The following TJP2 variants were observed in gnomAD, a reference collection of about 807,000 sequenced individuals.
TJP2 encodes Friedreich ataxia region gene X104 (tight junction protein ZO-2).
Under a neutral mutation model 133.1 loss-of-function variants are expected in TJP2, and 91 were observed. That is an observed-to-expected ratio of 0.68 (90% CI 0.58 to 0.81). TJP2 has a LOEUF of 0.81. TJP2 is among the 40% of genes least tolerant of loss of function. The pLI, the probability that TJP2 is intolerant of heterozygous loss-of-function variation, is 0.00. For missense variants in TJP2, 1,541 were observed against 1,565.6 expected (o/e 0.98, Z 0.26); for synonymous variants, 592 against 583.4 (o/e 1.01, Z -0.21).
chr9:69,236,971 C>T lies in TJP2; in HGVS notation c.2014C>T (p.Gln672Ter). The T allele has an allele frequency of 6.2e-7, 1 of 1,614,198 alleles. No homozygotes were observed. The highest frequency in any genetic ancestry group is 8.5e-7 in the Non-Finnish European group (1 of 1,180,040). Residue 672 changes from glutamine (Q) to a stop codon, truncating the protein, a stop_gained, in exon 14 of 23, where the codon CAA becomes TAA. Coordinates refer to ENST00000377245, the MANE Select transcript of TJP2 (RefSeq NM_004817.4). LOFTEE classifies it high-confidence loss of function. Reference sequence around the variant, plus strand: ...CAGAGCTGAACAAATGGCCAGTGTTCAAAATGCCCAGAGAGACAACGCTGG... The same window carrying T: ...CAGAGCTGAACAAATGGCCAGTGTTTAAAATGCCCAGAGAGACAACGCTGG... Reference protein sequence around the residue: ...KSRAEQMASVQNAQRDNAGDR... With the variant: ...KSRAEQMASV
intron 1 of TJP2, among the ~76,000 whole-genome samples, chr9:69,205,542 G>A (rs1827333023): frequency 6.6e-6 from 1 of 152,212 alleles, no homozygotes; most frequent in African/African-American, 2.4e-5. Flanking sequence ...TTAACATACT[G>A]GCTTTTGTGT....
chr9:69,121,772 C>T (rs11145351), intron 1 of TJP2: 1 of 152,254 alleles, frequency 6.6e-6, no homozygotes, highest in South Asian at 2.1e-4. Flanking sequence ...TGCTGCCTGC[C>T]GCACGCCCCG....
At chr9:69,122,484 A>C (rs1038673582) in intron 1 of TJP2, among the ~76,000 whole-genome samples, 2 of 152,180 alleles carry the variant, frequency 1.3e-5, no homozygotes, top group Non-Finnish European at 2.9e-5. Flanking sequence ...AACAACAAAA[A>C]AATTTTCACT....
rs775415693 is a variant in TJP2, at chr9:69,254,449, GTTC to G, written c.*80_*82del. ...CCACTCCTGCCAGGCCGCCGGGATG[GTTC>G]TTCTCCAGTTAGAATGCACCATGGA... On this transcript the variant is annotated 3_prime_UTR_variant, in exon 23 of 23. Transcript: ENST00000377245. 102 of 1,591,198 alleles carry G rather than the reference GTTC, an allele frequency of 6.4e-5. 1 individual carries two copies. The African/African-American group carries it at 1.2e-3, about 19-fold the overall frequency.
intron 1 of TJP2, among the ~76,000 whole-genome samples, chr9:69,150,638 T>G (rs1046906223): frequency 5.9e-5 from 9 of 152,312 alleles, no homozygotes; most frequent in Middle Eastern, 3.4e-3. Flanking sequence ...CCGCTGATAT[T>G]TGTTTAACCT....
chr9:69,174,041 C>G (rs537500289), upstream of TJP2: 38 of 1,054,988 alleles, frequency 3.6e-5, no homozygotes, highest in South Asian at 1.3e-3. Context: ...CGCCCCCGGC[C>G]AGGAGTCGCG....
chr9:69,208,388 GGTGGTGGTA>G (rs1827599429), intron 1 of TJP2, among the ~76,000 whole-genome samples: 1 of 152,174 alleles, frequency 6.6e-6, no homozygotes, highest in Non-Finnish European at 1.5e-5. Context: ...AGGTCTGATT[GGTGGTGGTA>G]GTGGTAGGAG....
intron 11 of TJP2, among the ~76,000 whole-genome samples, chr9:69,232,832 A>G (rs1456294625): frequency 6.6e-6 from 1 of 152,200 alleles, no homozygotes; most frequent in African/African-American, 2.4e-5. Flanking sequence ...GTAGATTTTT[A>G]AAATATAACT....
intron 1 of TJP2, among the ~76,000 whole-genome samples, chr9:69,187,801 G>C (rs1825955169): frequency 6.6e-6 from 1 of 152,202 alleles, no homozygotes; most frequent in South Asian, 2.1e-4. Flanking sequence ...ATGTAGAGTA[G>C]TTGCTCAGTA....
At chr9:69,211,388 T>TC (rs942573764) in intron 1 of TJP2, among the ~76,000 whole-genome samples, 2 of 152,216 alleles carry the variant, frequency 1.3e-5, no homozygotes. Context: ...TTATAGATAC[T>TC]CCATTTTTGT....
At chr9:69,179,451 T>C (rs1055331064) in intron 1 of TJP2, among the ~76,000 whole-genome samples, 7 of 152,216 alleles carry the variant, frequency 4.6e-5, no homozygotes, top group Non-Finnish European at 1.0e-4. Flanking sequence ...CTACAGTTAC[T>C]GTATGGGGGT....
chr9:69,190,684 C>T (rs906517481), intron 1 of TJP2, among the ~76,000 whole-genome samples: 1 of 152,116 alleles, frequency 6.6e-6, no homozygotes, highest in African/African-American at 2.4e-5. Flanking sequence ...GTGCCTGTAC[C>T]AGCACCCGTG....
At chr9:69,197,313 C>T (rs1826656099) in intron 1 of TJP2, among the ~76,000 whole-genome samples, 1 of 151,410 alleles carries the variant, frequency 6.6e-6, no homozygotes, top group East Asian at 2.0e-4. Flanking sequence ...ATACTTTGGT[C>T]CACCTTATTG....
intron 1 of TJP2, among the ~76,000 whole-genome samples, chr9:69,178,627 G>C (rs562971324): frequency 6.6e-6 from 1 of 152,194 alleles, no homozygotes; most frequent in African/African-American, 2.4e-5. Flanking sequence ...TGTCTTAAGC[G>C]TGTGCATCCT....
chr9:69,213,282 C>T lies in TJP2; in HGVS notation c.114+681C>T, dbSNP rs187455864. On this transcript the variant is annotated intron_variant, in intron 2 of 22. Coordinates refer to ENST00000377245, the MANE Select transcript of TJP2 (RefSeq NM_004817.4). Reference sequence around the variant, plus strand: ...TTCTCCATGTTGGTCAGGCTGGTCTCGAACTCCTGACCTCAGGTGATCCAC... The same window carrying T: ...TTCTCCATGTTGGTCAGGCTGGTCTTGAACTCCTGACCTCAGGTGATCCAC... Among the ~76,000 whole-genome samples, 847 of 152,206 alleles carry T rather than the reference C, an allele frequency of 5.6e-3. 5 individuals carry two copies. Among genetic ancestry groups the T allele is most frequent in the Non-Finnish European group, 9.5e-3 (648 of 68,008 alleles).
intron 2 of TJP2, among the ~76,000 whole-genome samples, chr9:69,168,789 C>G (rs573101039): frequency 8.0e-6 from 1 of 125,148 alleles, no homozygotes; most frequent in Admixed American, 9.0e-5. Context: ...GCAACAAGCG[C>G]GAAACTGTCT....
At chr9:69,179,826 A>G (rs1328465209) in intron 1 of TJP2, among the ~76,000 whole-genome samples, 1 of 152,168 alleles carries the variant, frequency 6.6e-6, no homozygotes, top group Non-Finnish European at 1.5e-5. Flanking sequence ...TGGATCTTCC[A>G]TGAATCAAAT....
At chr9:69,176,524 C>T (rs544979477) in intron 1 of TJP2, among the ~76,000 whole-genome samples, 2 of 152,118 alleles carry the variant, frequency 1.3e-5, no homozygotes, top group Middle Eastern at 3.4e-3. Flanking sequence ...GTCAGAAATC[C>T]CTCATGTATT....
At chr9:69,165,127 G>C (rs1824280641) in intron 2 of TJP2, among the ~76,000 whole-genome samples, 1 of 151,984 alleles carries the variant, frequency 6.6e-6, no homozygotes, top group South Asian at 2.1e-4. Flanking sequence ...ACGGCGCCTG[G>C]CTGGATTCTT....
Sources: allele counts gnomAD v4.1 joint callset (sites outside exome capture counted in the v4.1 genomes callset), GRCh38; gene constraint gnomAD v4.1.1; transcripts MANE v1.5; gene names NCBI Gene and HGNC (gene_info 2026-07-23, HGNC 2026-07-21).